Variants in ATG10 observed in about 807,000 individuals in gnomAD.
The protein encoded by ATG10 is ubiquitin-like-conjugating enzyme ATG10.
In ATG10, 30 loss-of-function variants were observed where a neutral mutation model predicts 32.1. The ratio of observed to expected loss-of-function variants is 0.94; its 90% CI spans 0.70 to 1.27. The LOEUF (loss-of-function observed/expected upper bound fraction) is 1.27, where lower values mean the gene tolerates loss of function less well. ATG10 is among the 50% of genes most tolerant of loss of function. The probability of loss-of-function intolerance (pLI) is 0.00; values close to 1 mark genes in which losing one functional copy is unlikely to be tolerated. For synonymous variants in ATG10, 87 were observed against 91.5 expected, an observed-to-expected ratio of 0.95 and a Z score of 0.28; for missense variants, 233 against 262.3, an observed-to-expected ratio of 0.89 and a Z score of 0.77.
intron 2 of ATG10, among the ~76,000 whole-genome samples, chr5:82,027,973 A>G (rs1271827870): frequency 2.6e-5 from 4 of 152,358 alleles, no homozygotes; most frequent in Non-Finnish European, 4.4e-5. Flanking sequence ...AAGAAAAACC[A>G]AAGCTCTTTT....
chr5:82,251,339 A>C (rs1747246196), intron 5 of ATG10, among the ~76,000 whole-genome samples: 1 of 152,222 alleles, frequency 6.6e-6, no homozygotes, highest in Non-Finnish European at 1.5e-5. Flanking sequence ...GAAGAAGCCA[A>C]GAGAAGAAAC....
At chr5:82,206,794 T>A (rs1745318274) in intron 5 of ATG10, among the ~76,000 whole-genome samples, 1 of 152,176 alleles carries the variant, frequency 6.6e-6, no homozygotes, top group Non-Finnish European at 1.5e-5. Context: ...AATCACTTTC[T>A]CTCCCTTTTT....
At chr5:82,246,645 T>A (rs1325213038) in intron 5 of ATG10, among the ~76,000 whole-genome samples, 5 of 152,170 alleles carry the variant, frequency 3.3e-5, no homozygotes. Flanking sequence ...GTTACATTTA[T>A]GTTATAAACT....
chr5:82,009,675 T>G, intron 2 of ATG10: 1 of 1,584,598 alleles, frequency 6.3e-7, no homozygotes, highest in Non-Finnish European at 8.6e-7. Flanking sequence ...CTCCATGACC[T>G]CCACAATATT....
intron 2 of ATG10, among the ~76,000 whole-genome samples, chr5:82,023,417 GA>G (rs1194298180): frequency 2.6e-5 from 4 of 152,222 alleles, no homozygotes; most frequent in African/African-American, 9.6e-5. Flanking sequence ...AGATGCTGTA[GA>G]TATTTATTGC....
At chr5:82,008,250 T>G (rs1236805983) in intron 2 of ATG10, among the ~76,000 whole-genome samples, 1 of 152,186 alleles carries the variant, frequency 6.6e-6, no homozygotes, top group Non-Finnish European at 1.5e-5. Flanking sequence ...AGATAAAGAT[T>G]AAATATATTG....
At chr5:82,110,870 C>G (rs1765597823) in intron 3 of ATG10, among the ~76,000 whole-genome samples, 1 of 151,800 alleles carries the variant, frequency 6.6e-6, no homozygotes, top group African/African-American at 2.4e-5. Flanking sequence ...ATCCTTTTAC[C>G]TACATTTATA....
intron 3 of ATG10, among the ~76,000 whole-genome samples, chr5:82,095,398 G>A (rs1765022674): frequency 6.6e-6 from 1 of 151,966 alleles, no homozygotes; most frequent in Admixed American, 6.6e-5. Context: ...AAAAAATAGG[G>A]TATTTAAAAA....
chr5:82,082,430 T>A (rs1031103142), intron 3 of ATG10, among the ~76,000 whole-genome samples: 1 of 152,200 alleles, frequency 6.6e-6, no homozygotes, highest in African/African-American at 2.4e-5. Flanking sequence ...TCTCAGTAAA[T>A]AGGCACTTAG....
At chr5:82,169,958 A>G (rs1232845013) in intron 4 of ATG10, among the ~76,000 whole-genome samples, 1 of 152,224 alleles carries the variant, frequency 6.6e-6, no homozygotes, top group Admixed American at 6.5e-5. Context: ...ATATGATAGC[A>G]ATAGAATCTC....
intron 5 of ATG10, among the ~76,000 whole-genome samples, chr5:82,219,552 C>G (rs193053567): frequency 7.3e-6 from 1 of 136,988 alleles, no homozygotes; most frequent in East Asian, 1.9e-4. Context: ...CTTTCACATG[C>G]CACAAGACTG....
intron 2 of ATG10, among the ~76,000 whole-genome samples, chr5:81,990,749 G>A (rs1466457671): frequency 6.6e-6 from 1 of 152,154 alleles, no homozygotes; most frequent in Non-Finnish European, 1.5e-5. Flanking sequence ...AGGCTTCCAG[G>A]GACAGATCAA....
intron 3 of ATG10, among the ~76,000 whole-genome samples, chr5:82,061,723 TAAA>T (rs1021746713): frequency 4.4e-4 from 65 of 146,152 alleles, no homozygotes; most frequent in African/African-American, 1.6e-3. Flanking sequence ...TAGTATATTA[TAAA>T]AAAGTATGGG....
At chr5:82,131,312 T>C (rs1228415065) in intron 3 of ATG10, among the ~76,000 whole-genome samples, 1 of 152,174 alleles carries the variant, frequency 6.6e-6, no homozygotes, top group Non-Finnish European at 1.5e-5. Flanking sequence ...CATTCTGGCA[T>C]GTTATGTAGG....
intron 5 of ATG10, among the ~76,000 whole-genome samples, chr5:82,196,992 A>G (rs185684310): frequency 1.2e-4 from 18 of 152,302 alleles, no homozygotes; most frequent in Non-Finnish European, 2.2e-4. Flanking sequence ...GAGAATTGCC[A>G]TCTTAACAAG....
intron 3 of ATG10, among the ~76,000 whole-genome samples, chr5:82,078,901 C>A (rs1037271321): frequency 2.0e-5 from 3 of 152,170 alleles, no homozygotes; most frequent in Admixed American, 6.5e-5. Flanking sequence ...AGTCCCCCCT[C>A]TACCAAGGAG....
chr5:82,203,835 T>C (rs1214154720), intron 5 of ATG10, among the ~76,000 whole-genome samples: 1 of 152,222 alleles, frequency 6.6e-6, no homozygotes, highest in Non-Finnish European at 1.5e-5. Flanking sequence ...TAAAAGGATC[T>C]AACCAGTGTG....
At chr5:81,982,461 A>G (rs1253576371) in intron 1 of ATG10, among the ~76,000 whole-genome samples, 1 of 152,164 alleles carries the variant, frequency 6.6e-6, no homozygotes, top group Admixed American at 6.6e-5. Flanking sequence ...AAAACAAAAC[A>G]AAACAAAACA....
intron 3 of ATG10, among the ~76,000 whole-genome samples, chr5:82,065,324 T>TA (rs1484391908): frequency 6.6e-6 from 1 of 151,622 alleles, no homozygotes; most frequent in Non-Finnish European, 1.5e-5. Context: ...CCATCTCTAC[T>TA]AAAAAAATAC....
Sources: gnomAD v4.1 joint callset for allele counts (sites outside exome capture counted in the v4.1 genomes callset) on GRCh38, gnomAD v4.1.1 for gene constraint, MANE v1.5 for transcripts, NCBI Gene and HGNC (gene_info 2026-07-23, HGNC 2026-07-21) for gene names.